Variants in DHX38 observed in about 807,000 individuals in gnomAD.
DHX38 encodes pre-mRNA-splicing factor ATP-dependent RNA helicase PRP16.
DHX38 carries 100 observed loss-of-function variants against 153.1 expected under a neutral mutation model. The observed-to-expected ratio is 0.65, with a 90% CI of 0.56 to 0.77. The LOEUF is 0.77. DHX38 is among the 30% of genes least tolerant of loss of function. The pLI is 0.00. For synonymous variants in DHX38, 650 were observed against 631.7 expected (o/e 1.03, Z -0.43); for missense variants, 1,440 against 1,654.0 (o/e 0.87, Z 2.24).
chr16:72,103,411 C>T (rs867864479), intron 12 of DHX38, among the ~76,000 whole-genome samples, 191 bp from the exon 13 acceptor site: 12 of 152,236 alleles, frequency 7.9e-5, no homozygotes, highest in Admixed American at 3.3e-4. Context: ...CCTGTTTAAA[C>T]CTCACCGTAT....
intron 9 of DHX38, 66 bp downstream of exon 9, chr16:72,100,663 G>A (rs2042087092): frequency 6.3e-7 from 1 of 1,577,876 alleles, no homozygotes; most frequent in Admixed American, 1.7e-5. Context: ...AGGTGCAGTG[G>A]CTCATGCCTG....
At position 72,112,619 on chromosome 16, in the gene DHX38, C is replaced by A. The variant is rs1164373200; in HGVS notation, c.*122C>A. On this transcript the variant is annotated 3_prime_UTR_variant, in exon 27 of 27. Transcript: ENST00000268482. ...ACTTTCATCTGTGCATATCACGGCC[C>A]CCCAGGGCAGTTCCTGCTGGACCAG... 3 of 1,068,942 alleles carry A rather than the reference C, an allele frequency of 2.8e-6. No homozygotes were observed. The African/African-American group carries it at 4.7e-5, about 17-fold the overall frequency. 66.2% of individuals were successfully genotyped at this position (1,068,942 alleles called of 1,614,324 possible).
At chr16:72,108,186 C>A (rs761420739) in intron 21 of DHX38, 41 bp from the exon 22 acceptor site, 2 of 1,603,536 alleles carry the variant, frequency 1.2e-6, no homozygotes, top group East Asian at 2.2e-5. Context: ...TGGGCCTGGA[C>A]CCCCCTGTAC....
rs756649707 is a variant in DHX38, at chr16:72,096,189, A to C, written c.32A>C (p.His11Pro). ...GACACCAGTGAGGATGCCTCGATCC[A>C]TCGATTGGAAGGCACTGATCTGGAC... MGDTSEDASI[H>P]RLEGTDLDCQ... The change falls in exon 2 of 27, where the codon CAT (histidine) becomes CCT (proline). Residue 11 changes from histidine to proline, a missense_variant. This residue lies in a region of DHX38 where 483 missense variants were observed against 465.1 expected (regional missense o/e 1.04). Coordinates refer to ENST00000268482, the MANE Select transcript of DHX38 (RefSeq NM_014003.4). The C allele has an allele frequency of 6.2e-7, 1 of 1,608,080 alleles. No homozygotes were observed. Among genetic ancestry groups the C allele is most frequent in the African/African-American group, 1.3e-5 (1 of 74,836 alleles).
chr16:72,112,767 C>A lies in DHX38; in HGVS notation c.*270C>A, dbSNP rs17666993. The A allele has an allele frequency of 0.015, 10,698 of 702,826 alleles. 111 individuals carry two copies. The highest frequency in any genetic ancestry group is 0.022 in the Non-Finnish European group (8,625 of 384,956). The allele number at this position is 702,826 out of a possible 1,614,324, so 43.5% of individuals were successfully genotyped here. ...GTGGCTGGACCCATCGCATCTAAAA[C>A]TGGCCCAGGACACTTGGTGTATGCG... is the stretch of plus-strand genomic sequence containing the variant. On this transcript the variant is annotated 3_prime_UTR_variant, in exon 27 of 27. Coordinates refer to ENST00000268482, the MANE Select transcript of DHX38 (RefSeq NM_014003.4).
rs985078428 is a variant in DHX38, at chr16:72,098,807, A to G, written c.764+15A>G. The stretch of plus-strand genomic sequence containing the variant: ...GATCGAGACAGGTGATGTTCTGGGC[A>G]GAGCAGCCCAGTTTCGCTGGGTGGG... On this transcript the variant is annotated intron_variant, in intron 5 of 26. Coordinates refer to ENST00000268482, the MANE Select transcript of DHX38 (RefSeq NM_014003.4). 1.9e-6 allele frequency: 3 copies of G among 1,613,642 alleles called. No homozygotes were observed. The highest frequency in any genetic ancestry group is 2.5e-6 in the Non-Finnish European group (3 of 1,179,572).
At chr16:72,096,715 GGAGA>G in intron 2 of DHX38, 103 bp from the exon 3 acceptor site, 1 of 1,497,772 alleles carries the variant, frequency 6.7e-7, no homozygotes, top group East Asian at 2.3e-5. Flanking sequence ...TGCGTCCCAG[GGAGA>G]GAAAGTGGAA....
At chr16:72,108,447 C>A in intron 22 of DHX38, 26 bp from the exon 23 acceptor site, 1 of 1,613,888 alleles carries the variant, frequency 6.2e-7, no homozygotes, top group Middle Eastern at 1.7e-4. Context: ...AGGGCTCCCT[C>A]CTGGTGCCTC....
chr16:72,103,107 A>T lies in DHX38; in HGVS notation c.1533A>T (p.Arg511Ser), dbSNP rs767182777. 164 of 1,614,094 alleles carry T rather than the reference A, an allele frequency of 1.0e-4. No individual in the cohort carries two copies. In the Admixed American group the frequency reaches 2.7e-3, roughly 26 times the overall value. The part of the protein sequence containing the change: ...TEQKFADHMK[R>S]KSEASSEFAK... ...AGAAGTTTGCAGATCACATGAAGAG[A>T]AAGAGCGAAGCCAGCAGTGAATTTG... The change falls in exon 12 of 27, where the codon AGA becomes AGT. Residue 511 changes from arginine (R) to serine (S), a missense_variant. Physicochemically the swap from Arg to Ser is moderately radical, Grantham distance 110. Transcript: ENST00000268482.
intron 23 of DHX38, 63 bp downstream of exon 23, chr16:72,108,670 C>T (rs755777699): frequency 7.3e-5 from 116 of 1,592,838 alleles, no homozygotes; most frequent in Non-Finnish European, 9.8e-5. Context: ...AAAGTTCTTC[C>T]TTTGTCCTGG....
Position 72,104,153 on chromosome 16 carries a change from C to G in DHX38, c.2010+22C>G, listed in dbSNP as rs1415867626. On this transcript the variant is annotated intron_variant, in intron 14 of 26. Coordinates refer to ENST00000268482, the MANE Select transcript of DHX38 (RefSeq NM_014003.4). This position sits in a 1 kb window ranked among gnomAD's most constrained non-coding sequence, Gnocchi z 4.5. ...GGAGGTGAGGGCTGTGTGGTTTGGT[C>G]TCTCTGCGCATGGGGTGTTGACCAG... 9.9e-6 allele frequency: 16 copies of G among 1,610,540 alleles called. No individual in the cohort carries two copies. The highest frequency in any genetic ancestry group is 1.2e-5 in the Non-Finnish European group (14 of 1,177,532).
intron 9 of DHX38, 88 bp from the exon 10 acceptor site, chr16:72,100,998 T>C (rs2042092099): frequency 1.6e-6 from 2 of 1,257,804 alleles, no homozygotes; most frequent in African/African-American, 3.0e-5. Context: ...CATGAGAGGG[T>C]AGCAGTCCCT....
Position 72,099,815 on chromosome 16 carries a change from G to A in DHX38, c.1044G>A (p.Val348=), listed in dbSNP as rs534306131. ...TGGCCTACTCCTCCGAGGACTACGT[G>A]AGGAGGCGGGAGCAGCACCTGCATA... The part of the protein sequence containing the change: ...NPLAYSSEDY[V]RRREQHLHKQ... Residue 348 remains valine, a synonymous_variant, in exon 8 of 27, where the codon GTG becomes GTA. Transcript: ENST00000268482. 6.3e-5 allele frequency: 101 copies of A among 1,614,022 alleles called. No individual in the cohort carries two copies. In the East Asian group the frequency reaches 2.0e-3, roughly 32 times the overall value.
chr16:72,111,019 G>A lies in DHX38; in HGVS notation c.3541G>A (p.Glu1181Lys), dbSNP rs1445687708. The A allele has an allele frequency of 6.3e-7, 1 of 1,583,936 alleles. No individual in the cohort carries two copies. Among genetic ancestry groups the A allele is most frequent in the African/African-American group, 1.3e-5 (1 of 74,554 alleles). Residue 1181 changes from glutamate to lysine, a missense_variant, in exon 26 of 27, where the codon GAG becomes AAG. Glu to Lys is a moderately conservative substitution (Grantham distance 56). Coordinates refer to ENST00000268482, the MANE Select transcript of DHX38 (RefSeq NM_014003.4). ...GGAGGAGGAGATGGCGCTGGCCGAG[G>A]AGCAGCTGCGAGCCCGGCGGCAGGA... ...AMEEEMALAE[E>K]QLRARRQEQE...
intron 25 of DHX38, 136 bp downstream of exon 25, chr16:72,109,646 T>C (rs1252386152): frequency 3.8e-6 from 3 of 798,576 alleles, no homozygotes; most frequent in Non-Finnish European, 5.5e-6. Flanking sequence ...TCCAGCAGGC[T>C]GGGTCTGTCT....
In DHX38 at chr16:72,105,141, C is replaced by T. The variant is rs780211574; in HGVS notation, c.2262+4C>T. 2.7e-5 allele frequency: 43 copies of T among 1,613,954 alleles called. No individual in the cohort carries two copies. The highest frequency in any genetic ancestry group is 3.3e-5 in the Admixed American group (2 of 60,008). On this transcript the variant is annotated splice_donor_region_variant and intron_variant, in intron 16 of 26. Coordinates refer to ENST00000268482, the MANE Select transcript of DHX38 (RefSeq NM_014003.4). ...GCCTGGCCAAGAGGACATTGAGGTG[C>T]GTGCCTTGGTCACGACTGTGATGAG...
chr16:72,099,794 C>G lies in DHX38; in HGVS notation c.1023C>G (p.Ala341=), dbSNP rs746518374. 1.2e-6 allele frequency: 2 copies of G among 1,614,194 alleles called. No homozygotes were observed. The highest frequency in any genetic ancestry group is 8.5e-7 in the Non-Finnish European group (1 of 1,180,034). ...EGYDEFHNPL[A]YSSEDYVRRR... is the part of the protein sequence containing the mutation. ...ATGACGAGTTCCACAACCCGCTGGC[C>G]TACTCCTCCGAGGACTACGTGAGGA... The change falls in exon 8 of 27, where the codon GCC becomes GCG. Residue 341 remains alanine (A), a synonymous_variant. Transcript: ENST00000268482.
At chr16:72,108,087 T>C in intron 21 of DHX38, 140 bp from the exon 22 acceptor site, 1 of 1,051,506 alleles carries the variant, frequency 9.5e-7, no homozygotes, top group South Asian at 1.7e-5. Flanking sequence ...TATTTTAATT[T>C]TTCTCAAATT....
chr16:72,109,377 C>G lies in DHX38; in HGVS notation c.3382-38C>G. ...AACCACTCTGGGAGGGACATTGGCC[C>G]TCCTGTGACCCTCGCCTCCCTGCCC... On this transcript the variant is annotated intron_variant, in intron 24 of 26. Transcript: ENST00000268482. The G allele has an allele frequency of 2.5e-6, 4 of 1,604,796 alleles. No individual in the cohort carries two copies. In the South Asian group the frequency reaches 4.4e-5, roughly 18 times the overall value.
Sources: gnomAD v4.1 joint callset for allele counts (sites outside exome capture counted in the v4.1 genomes callset) on GRCh38, gnomAD v4.1.1 for gene constraint, gnomAD v4.1.1 regional missense constraint, Gnocchi (gnomAD v3.1) non-coding constraint, MANE v1.5 for transcripts, NCBI Gene and HGNC (gene_info 2026-07-23, HGNC 2026-07-21) for gene names.